The following EYA4 variants were observed in gnomAD, a reference collection of about 807,000 sequenced individuals.
EYA4 encodes the protein protein phosphatase EYA4.
EYA4 carries 31 observed loss-of-function variants against 87.9 expected under a neutral mutation model. The observed-to-expected ratio is 0.35, with a 90% CI of 0.27 to 0.48. The LOEUF (loss-of-function observed/expected upper bound fraction) is 0.48, where lower values mean the gene tolerates loss of function less well. Among genes scored for constraint, EYA4 ranks in the 20% least tolerant of loss-of-function variants. The pLI is 0.99. For missense variants in EYA4, 678 were observed against 761.4 expected (o/e 0.89, Z 1.29); for synonymous variants, 263 against 270.6 (o/e 0.97, Z 0.28).
intron 2 of EYA4, among the ~76,000 whole-genome samples, chr6:133,328,427 G>A (rs2128375615): frequency 6.6e-6 from 1 of 152,228 alleles, no homozygotes; most frequent in South Asian, 2.1e-4. Flanking sequence ...GATGGCTTTA[G>A]GGATTTGTTC....
At chr6:133,244,246 G>A (rs556007120) in intron 1 of EYA4, among the ~76,000 whole-genome samples, 138 of 152,150 alleles carry the variant, frequency 9.1e-4, no homozygotes, top group African/African-American at 3.1e-3. Flanking sequence ...CTACCGGTTG[G>A]TTCACAATTA....
At chr6:133,437,518 A>G (rs1453711082) in intron 3 of EYA4, among the ~76,000 whole-genome samples, 1 of 152,214 alleles carries the variant, frequency 6.6e-6, no homozygotes, top group African/African-American at 2.4e-5. Flanking sequence ...TTTAAAGATT[A>G]AAGGTGATAA....
At chr6:133,341,897 T>A (rs1319437457) in intron 2 of EYA4, among the ~76,000 whole-genome samples, 1 of 152,186 alleles carries the variant, frequency 6.6e-6, no homozygotes, top group Non-Finnish European at 1.5e-5. Flanking sequence ...AGTGACTGAA[T>A]ACATTTTTTC....
intron 6 of EYA4, among the ~76,000 whole-genome samples, chr6:133,458,404 A>G (rs1013903047): frequency 6.6e-5 from 10 of 152,256 alleles, no homozygotes; most frequent in African/African-American, 2.4e-4. Context: ...ACACATTTCA[A>G]GTGTTTAACA....
rs1297508140 is a variant in EYA4, at chr6:133,345,332, C to T, written c.34-37060C>T. ...GTCATTTCTGAAGAGTTACATTTGG[C>T]TAATCTGTCTTAACAAACTAGAATT... On this transcript the variant is annotated intron_variant, in intron 2 of 19. Transcript: ENST00000355286. 2.6e-5 allele frequency among the ~76,000 whole-genome samples: 4 copies of T among 152,182 alleles called. No homozygotes were observed. In the East Asian group the frequency reaches 7.7e-4, roughly 29 times the overall value.
intron 13 of EYA4, among the ~76,000 whole-genome samples, chr6:133,504,404 AT>A (rs1562496078): frequency 6.6e-6 from 1 of 152,212 alleles, no homozygotes; most frequent in African/African-American, 2.4e-5. Context: ...GTCAGCATCC[AT>A]TACTGAGAAA....
At chr6:133,446,586 C>T in intron 3 of EYA4, 44 bp from the exon 4 acceptor site, 1 of 1,611,156 alleles carries the variant, frequency 6.2e-7, no homozygotes, top group Non-Finnish European at 8.5e-7. Context: ...TAAAAAATAA[C>T]TGCTGCAATT....
intron 1 of EYA4, among the ~76,000 whole-genome samples, chr6:133,268,835 G>A (rs146620195): frequency 7.9e-5 from 12 of 152,278 alleles, no homozygotes; most frequent in African/African-American, 1.9e-4. Flanking sequence ...GAAGGTGGGC[G>A]TGTGAGCTAA....
At chr6:133,282,513 G>T (rs1183757035) in intron 2 of EYA4, among the ~76,000 whole-genome samples, 1 of 151,918 alleles carries the variant, frequency 6.6e-6, no homozygotes, top group African/African-American at 2.4e-5. Flanking sequence ...TATCTTCTAT[G>T]AACTTCTAAA....
At chr6:133,513,724 CTT>C (rs1479356275) in intron 16 of EYA4, among the ~76,000 whole-genome samples, 1 of 151,984 alleles carries the variant, frequency 6.6e-6, no homozygotes, top group Non-Finnish European at 1.5e-5. Context: ...TTGGTGATAT[CTT>C]ATTAGAATCA....
intron 1 of EYA4, among the ~76,000 whole-genome samples, chr6:133,243,067 G>A (rs923964919): frequency 1.7e-4 from 25 of 147,528 alleles, no homozygotes; most frequent in Non-Finnish European, 3.3e-4. Context: ...TGGTTCCAGA[G>A]CAGTTCCACG....
rs536357235 is a variant in EYA4, at chr6:133,434,590, T to G, written c.84-12040T>G. ...ATGAGGCAGAGTTTAAAATTCAGGT[T>G]TTAGTTGACAGTAGAGACTCTTAAC... On this transcript the variant is annotated intron_variant, in intron 3 of 19. Coordinates refer to ENST00000355286, the MANE Select transcript of EYA4 (RefSeq NM_004100.5). Among the ~76,000 whole-genome samples the G allele has an allele frequency of 2.0e-5, 3 of 152,300 alleles. No homozygotes were observed. The East Asian group carries it at 5.8e-4, about 29-fold the overall frequency.
intron 5 of EYA4, among the ~76,000 whole-genome samples, chr6:133,452,272 A>G (rs901399795): frequency 4.6e-5 from 7 of 152,158 alleles, no homozygotes; most frequent in African/African-American, 1.7e-4. Context: ...GGAATTACAT[A>G]TATGTAGTTT....
chr6:133,474,858 A>C (rs1583388563), intron 11 of EYA4, among the ~76,000 whole-genome samples: 1 of 152,144 alleles, frequency 6.6e-6, no homozygotes, highest in African/African-American at 2.4e-5. Flanking sequence ...CCTAAAATTA[A>C]ACCCACAGTT....
intron 1 of EYA4, among the ~76,000 whole-genome samples, chr6:133,257,677 A>G (rs776801981): frequency 3.5e-4 from 54 of 152,178 alleles, no homozygotes; most frequent in African/African-American, 9.6e-5. Context: ...AGGGTGAGAA[A>G]CTGAAGTATG....
At chr6:133,275,922 A>C (rs1409619497) in intron 2 of EYA4, among the ~76,000 whole-genome samples, 1 of 152,232 alleles carries the variant, frequency 6.6e-6, no homozygotes, top group Non-Finnish European at 1.5e-5. Context: ...TGGTAGAGAT[A>C]TATTCCTCTA....
At chr6:133,388,591 C>G (rs1021104484) in intron 3 of EYA4, among the ~76,000 whole-genome samples, 1 of 152,018 alleles carries the variant, frequency 6.6e-6, no homozygotes, top group African/African-American at 2.4e-5. Flanking sequence ...CTGTAGAGTT[C>G]ATCATTTTCT....
At chr6:133,439,230 C>T (rs917424996) in intron 3 of EYA4, 1 of 151,904 alleles carries the variant, frequency 6.6e-6, no homozygotes, top group Non-Finnish European at 1.5e-5. Flanking sequence ...TCTTTTTCTT[C>T]TGTTTGTTCC....
At chr6:133,270,470 A>G (rs968811082) in intron 1 of EYA4, among the ~76,000 whole-genome samples, 5 of 152,238 alleles carry the variant, frequency 3.3e-5, no homozygotes, top group African/African-American at 4.8e-5. Context: ...ACAAGTGTAT[A>G]CATGCACAAA....
Sources: allele counts gnomAD v4.1 joint callset (sites outside exome capture counted in the v4.1 genomes callset), GRCh38; gene constraint gnomAD v4.1.1; transcripts MANE v1.5; gene names NCBI Gene and HGNC (gene_info 2026-07-23, HGNC 2026-07-21).